IWS1: variants seen among roughly 807,000 people sequenced by gnomAD.
IWS1 encodes the protein protein IWS1 homolog.
Under a neutral mutation model 86.7 loss-of-function variants are expected in IWS1, and 27 were observed. The observed-to-expected ratio is 0.31, with a 90% CI of 0.23 to 0.43. The LOEUF (loss-of-function observed/expected upper bound fraction) is 0.43, where lower values mean the gene tolerates loss of function less well. IWS1 is among the 20% of genes least tolerant of loss of function. The pLI, the probability that IWS1 is intolerant of heterozygous loss-of-function variation, is 1.00. For missense variants in IWS1, 827 were observed against 1,000.8 expected (o/e 0.83, Z 2.34); for synonymous variants, 313 against 335.1 (o/e 0.93, Z 0.72).
At chr2:127,525,122 G>C (rs1160294166) in intron 1 of IWS1, among the ~76,000 whole-genome samples, 1 of 146,000 alleles carries the variant, frequency 6.8e-6, no homozygotes, top group African/African-American at 2.5e-5. Flanking sequence ...AGGGGGGTGG[G>C]GTACGGGCAT....
intron 6 of IWS1, among the ~76,000 whole-genome samples, chr2:127,496,726 A>G (rs1214178802): frequency 6.6e-6 from 1 of 151,990 alleles, no homozygotes; most frequent in East Asian, 1.9e-4. Flanking sequence ...CCCACACAAC[A>G]TGCCTGGCTA....
Position 127,490,994 on chromosome 2 carries a change from T to C in IWS1, c.2047+977A>G, listed in dbSNP as rs1424090736. The stretch of plus-strand genomic sequence containing the variant: ...AAGTTCTAAAAATTCCTTTTCAACA[T>C]GGAGGACAGGAAGAGTTAAGGAGGA... On this transcript the variant is annotated intron_variant, in intron 10 of 13. Transcript: ENST00000295321. 5.3e-5 allele frequency: 8 copies of C among 152,198 alleles called. No homozygotes were observed. The East Asian group carries it at 1.2e-3, about 22-fold the overall frequency. The allele number at this position is 152,198 out of a possible 1,614,324, so 9.4% of individuals were successfully genotyped here. A position where few individuals can be genotyped will look rare whatever the true frequency, so the allele number is the denominator to read the frequency against.
At chr2:127,493,817 T>C (rs1352191029) in intron 8 of IWS1, among the ~76,000 whole-genome samples, 1 of 128,422 alleles carries the variant, frequency 7.8e-6, no homozygotes, top group East Asian at 2.2e-4. Context: ...CCAATGAGAC[T>C]AGCACTCCAC....
Position 127,513,465 on chromosome 2 carries a change from T to C in IWS1, c.151-7713A>G, listed in dbSNP as rs148668699. 7.8e-3 allele frequency among the ~76,000 whole-genome samples: 1,183 copies of C among 152,306 alleles called. 20 individuals are homozygous for C. The highest frequency in any genetic ancestry group is 0.027 in the African/African-American group (1,128 of 41,570). The stretch of plus-strand genomic sequence containing the variant: ...TTTTCTTCAAATTTAAGAAACTATC[T>C]TTCCATGTATGCTTCCAACTAATCT... On this transcript the variant is annotated intron_variant, in intron 2 of 13. Transcript: ENST00000295321.
chr2:127,500,704 CATTTA>C (rs887827776), intron 5 of IWS1, among the ~76,000 whole-genome samples: 5 of 152,130 alleles, frequency 3.3e-5, no homozygotes, highest in African/African-American at 1.2e-4. Flanking sequence ...TTACTATTTA[CATTTA>C]ATTTAATTTC....
intron 4 of IWS1, among the ~76,000 whole-genome samples, chr2:127,503,179 A>G (rs1222672597): frequency 6.6e-6 from 1 of 152,210 alleles, no homozygotes; most frequent in East Asian, 1.9e-4. Context: ...ATGGAATCAT[A>G]TATGTCCTCT....
chr2:127,481,233 T>C, intron 13 of IWS1, 58 bp from the exon 14 acceptor site: 4 of 1,479,200 alleles, frequency 2.7e-6, no homozygotes, highest in Non-Finnish European at 3.6e-6. Flanking sequence ...TCTAGTTATG[T>C]CTTTCATCTT....
chr2:127,492,106 A>G lies in IWS1; in HGVS notation c.1930-18T>C. On this transcript the variant is annotated intron_variant, in intron 9 of 13. Transcript: ENST00000295321. ...CTAGGCAGCTGGGGAACATAAACAC[A>G]TACACACATATTAATCACTCGGAAG... 6.7e-7 allele frequency: 1 copy of G among 1,489,112 alleles called. No homozygotes were observed. Among genetic ancestry groups the G allele is most frequent in the Non-Finnish European group, 9.4e-7 (1 of 1,066,190 alleles). 92.2% of individuals were successfully genotyped at this position (1,489,112 alleles called of 1,614,324 possible).
intron 12 of IWS1, among the ~76,000 whole-genome samples, chr2:127,487,620 A>C (rs567954947): frequency 3.9e-5 from 6 of 152,246 alleles, no homozygotes; most frequent in Non-Finnish European, 4.4e-5. Flanking sequence ...GCACAATCTC[A>C]GCTCACCGCG....
Position 127,482,918 on chromosome 2 carries a change from T to C in IWS1, c.2329-1743A>G, listed in dbSNP as rs146914410. On this transcript the variant is annotated intron_variant, in intron 13 of 13. Coordinates refer to ENST00000295321, the MANE Select transcript of IWS1 (RefSeq NM_017969.3). ...AGCAGCTTCAATTATGGTACAACTG[T>C]GTGAAGACACAATGCAAAACCACTC... The C allele has an allele frequency of 9.6e-4, 146 of 152,244 alleles. 1 individual carries two copies. The highest frequency in any genetic ancestry group is 3.4e-3 in the African/African-American group (142 of 41,534). 9.4% of individuals were successfully genotyped at this position (152,244 alleles called of 1,614,324 possible).
intron 13 of IWS1, 36 bp downstream of exon 13, chr2:127,486,517 G>A: frequency 7.2e-7 from 1 of 1,385,724 alleles, no homozygotes; most frequent in Admixed American, 1.7e-5. Flanking sequence ...GTAATCTGCA[G>A]GTGAGATCCA....
chr2:127,483,027 G>C (rs377030037), intron 13 of IWS1: 2 of 149,554 alleles, frequency 1.3e-5, no homozygotes, highest in Non-Finnish European at 3.0e-5. Flanking sequence ...TCACAATGTC[G>C]CTTGAAAAAA....
chr2:127,523,534 C>G, intron 2 of IWS1, 142 bp downstream of exon 2: 1 of 562,710 alleles, frequency 1.8e-6, no homozygotes, highest in Non-Finnish European at 3.2e-6. Context: ...ATTTTTCAAG[C>G]GGTTTTCTAT....
At chr2:127,492,165 GCA>G in intron 9 of IWS1, 77 bp from the exon 10 acceptor site, 2 of 856,088 alleles carry the variant, frequency 2.3e-6, no homozygotes, top group Non-Finnish European at 4.0e-6. Context: ...TAGAGACCTG[GCA>G]CATTCACAAC....
Position 127,503,426 on chromosome 2 carries a change from T to G in IWS1, c.1370A>C (p.Asp457Ala). The G allele has an allele frequency of 6.2e-7, 1 of 1,613,364 alleles. No individual in the cohort carries two copies. Among genetic ancestry groups the G allele is most frequent in the Non-Finnish European group, 8.5e-7 (1 of 1,179,706 alleles). ...TGACTCACTGTCACTCCCAAACAGATCCTTCTCTTCATTTTTCTTATCAGA... is the reference window on the plus strand; with the variant it reads ...TGACTCACTGTCACTCCCAAACAGAGCCTTCTCTTCATTTTTCTTATCAGA... ...ELSDKKNEEK[D>A]LFGSDSESGN... Residue 457 changes from aspartate (D) to alanine (A), a missense_variant, in exon 4 of 14, where the codon GAT becomes GCT. Asp to Ala is a moderately radical substitution (Grantham distance 126). Transcript: ENST00000295321.
At chr2:127,520,631 T>G (rs1692043879) in intron 2 of IWS1, among the ~76,000 whole-genome samples, 1 of 152,242 alleles carries the variant, frequency 6.6e-6, no homozygotes, top group South Asian at 2.1e-4. Context: ...CTGGCACTCT[T>G]GAAGTACTAG....
intron 1 of IWS1, among the ~76,000 whole-genome samples, chr2:127,524,963 A>G (rs1283066055): frequency 6.6e-6 from 1 of 151,692 alleles, no homozygotes; most frequent in Non-Finnish European, 1.5e-5. Context: ...ACTTCCGCTC[A>G]CTGCAACCTC....
At chr2:127,488,836 G>A (rs334157) in intron 12 of IWS1, among the ~76,000 whole-genome samples, 1 of 152,136 alleles carries the variant, frequency 6.6e-6, no homozygotes, top group Non-Finnish European at 1.5e-5. Flanking sequence ...GGCACACTTA[G>A]CCCATGGCTT....
chr2:127,525,485 C>T (rs539463223), intron 1 of IWS1, among the ~76,000 whole-genome samples: 1 of 152,316 alleles, frequency 6.6e-6, no homozygotes, highest in African/African-American at 2.4e-5. Context: ...AACGCCCCAA[C>T]AGGACTAGCA....
Sources: gnomAD v4.1 joint callset for allele counts (sites outside exome capture counted in the v4.1 genomes callset) on GRCh38, gnomAD v4.1.1 for gene constraint, MANE v1.5 for transcripts, NCBI Gene and HGNC (gene_info 2026-07-23, HGNC 2026-07-21) for gene names.